Variants in CYP24A1 observed in about 807,000 individuals in gnomAD.
The protein encoded by CYP24A1 is cytochrome P450 family 24 subfamily A member 1, also known as 1,25-dihydroxyvitamin D(3) 24-hydroxylase, mitochondrial.
A neutral mutation model predicts 62.4 loss-of-function variants in CYP24A1; 68 were observed. That is an observed-to-expected ratio of 1.09 (90% CI 0.90 to 1.33). The LOEUF (loss-of-function observed/expected upper bound fraction) is 1.33, where lower values mean the gene tolerates loss of function less well. Ranked by LOEUF, CYP24A1 falls within the 40% of genes most tolerant of loss-of-function variation. CYP24A1 has a pLI of 0.00. For synonymous variants in CYP24A1, 267 were observed against 253.0 expected (o/e 1.06, Z -0.52); for missense variants, 787 against 653.0 (o/e 1.21, Z -2.24).
At chr20:54,144,957 T>C in the CYP24A1 span, among the ~76,000 whole-genome samples, 3 of 152,184 alleles carry the variant, frequency 2.0e-5, no homozygotes, top group Non-Finnish European at 4.4e-5. Flanking sequence ...TGCCAAAATA[T>C]GAATAACTGC....
chr20:54,166,318 T>C (rs550794988), intron 4 of CYP24A1, among the ~76,000 whole-genome samples: 2 of 152,130 alleles, frequency 1.3e-5, no homozygotes, highest in Non-Finnish European at 2.9e-5. Context: ...GGGTTTTTTT[T>C]CCTTCCATTT....
intron 3 of CYP24A1, among the ~76,000 whole-genome samples, chr20:54,170,755 G>C (rs1409553856): frequency 6.6e-6 from 1 of 152,102 alleles, no homozygotes; most frequent in African/African-American, 2.4e-5. Context: ...TACTGGGTCT[G>C]CCTTATTATT....
intron 2 of CYP24A1, chr20:54,172,693 G>A (rs986956913): frequency 2.7e-6 from 3 of 1,097,460 alleles, no homozygotes; most frequent in African/African-American, 3.2e-5. Flanking sequence ...CAGAGAGAAC[G>A]CAGGTGCTGG....
intron 6 of CYP24A1, among the ~76,000 whole-genome samples, chr20:54,164,220 G>A (rs1427331708): frequency 1.3e-5 from 2 of 152,218 alleles, no homozygotes; most frequent in African/African-American, 4.8e-5. Flanking sequence ...ACAGGGGTGA[G>A]CCACTGCACC....
At chr20:54,155,921 G>A (rs1003206184) in intron 11 of CYP24A1, among the ~76,000 whole-genome samples, 1 of 151,948 alleles carries the variant, frequency 6.6e-6, no homozygotes, top group African/African-American at 2.4e-5. Flanking sequence ...GTTATTTAAA[G>A]GAAATAACTC....
intron 5 of CYP24A1, among the ~76,000 whole-genome samples, 173 bp downstream of exon 5, chr20:54,165,569 C>T (rs112644865): frequency 4.6e-5 from 7 of 152,062 alleles, no homozygotes; most frequent in South Asian, 2.1e-4. Flanking sequence ...TGGAGACAGC[C>T]GCATATATGC....
intron 2 of CYP24A1, 192 bp from the exon 3 acceptor site, chr20:54,171,862 A>C: frequency 7.4e-7 from 1 of 1,357,042 alleles, no homozygotes. Context: ...ATAGTTTGAC[A>C]ATAGGATGAA....
intron 2 of CYP24A1, 119 bp from the exon 3 acceptor site, chr20:54,171,789 A>C: frequency 6.3e-7 from 1 of 1,581,342 alleles, no homozygotes; most frequent in Non-Finnish European, 8.6e-7. Flanking sequence ...AATCATGCCA[A>C]GAAATAGCCA....
At chr20:54,172,730 C>A (rs1387565378) in intron 2 of CYP24A1, 179 bp downstream of exon 2, 2 of 1,401,562 alleles carry the variant, frequency 1.4e-6, no homozygotes, top group Admixed American at 2.5e-5. Flanking sequence ...TTCCGTGGAC[C>A]GACTCTAATC....
At chr20:54,148,721 C>G (rs1349655090), downstream of CYP24A1, among the ~76,000 whole-genome samples, 1 of 152,146 alleles carries the variant, frequency 6.6e-6, no homozygotes, top group Admixed American at 6.5e-5. Context: ...CTGGGGCAAT[C>G]TGAATATCAA....
rs2092658197 is a variant in CYP24A1 at position 54,162,861 on chromosome 20, GACTATT to G, written c.845-5_845del. 4 of 1,560,338 alleles carry G rather than the reference GACTATT, an allele frequency of 2.6e-6. No homozygotes were observed. In the African/African-American group the frequency reaches 5.4e-5, roughly 21 times the overall value. On this transcript the variant is annotated splice_acceptor_variant and splice_polypyrimidine_tract_variant and coding_sequence_variant and intron_variant, in exon 7 of 12. Transcript: ENST00000216862. LOFTEE classifies it high-confidence loss of function. ...CTAACCGGTTGTCGATACAAGCTTT[GACTATT>G]AGAGCAGAGAAGAAAGAGAGGAAGT...
chr20:54,157,365 G>T, intron 10 of CYP24A1, 23 bp downstream of exon 10: 3 of 1,529,960 alleles, frequency 2.0e-6, no homozygotes, highest in Non-Finnish European at 2.7e-6. Flanking sequence ...GAACATAATT[G>T]CAGAAACCGG....
intron 7 of CYP24A1, 175 bp downstream of exon 7, chr20:54,162,542 G>GGGT: frequency 1.6e-6 from 1 of 630,040 alleles, no homozygotes; most frequent in Non-Finnish European, 2.9e-6. Context: ...AGGCACCGTG[G>GGGT]CATAGATGCT....
intron 3 of CYP24A1, among the ~76,000 whole-genome samples, chr20:54,171,106 CT>C (rs1366442149): frequency 6.6e-6 from 1 of 152,216 alleles, no homozygotes; most frequent in East Asian, 1.9e-4. Context: ...CCTTCCCCCA[CT>C]TTCTCTGCTT....
rs1480341995 is a variant in CYP24A1, at chr20:54,173,128, C to T, written c.259-29G>A. 8 of 1,598,990 alleles carry T rather than the reference C, an allele frequency of 5.0e-6. No individual in the cohort carries two copies. Among genetic ancestry groups the T allele is most frequent in the South Asian group, 3.3e-5 (3 of 90,976 alleles). ...CAGCCGGCCGGGCACAGCGCGGTGT[C>T]AGCGCGCATCCTCCGCCGTGCCCGA... On this transcript the variant is annotated intron_variant, in intron 1 of 11. Coordinates refer to ENST00000216862, the MANE Select transcript of CYP24A1 (RefSeq NM_000782.5). The surrounding 1 kb of genome is among the most constrained non-coding windows in gnomAD (Gnocchi z 7.2).
chr20:54,156,237 C>G (rs532373375), intron 11 of CYP24A1, among the ~76,000 whole-genome samples: 3 of 152,000 alleles, frequency 2.0e-5, no homozygotes, highest in African/African-American at 7.3e-5. Flanking sequence ...CCCTGGAACA[C>G]GTGAATATAC....
chr20:54,143,922 A>C, the CYP24A1 span, among the ~76,000 whole-genome samples: 2 of 152,344 alleles, frequency 1.3e-5, no homozygotes, highest in Non-Finnish European at 1.5e-5. Context: ...ACTATGTGCC[A>C]ATAGGTTTAT....
downstream of CYP24A1, among the ~76,000 whole-genome samples, chr20:54,149,133 A>G (rs1252529367): frequency 6.6e-6 from 1 of 152,074 alleles, no homozygotes; most frequent in Non-Finnish European, 1.5e-5. Context: ...ATTTCCTTTT[A>G]CCTGGTTGTC....
At chr20:54,157,946 A>G (rs1343808756) in intron 9 of CYP24A1, 140 bp downstream of exon 9, 2 of 1,424,080 alleles carry the variant, frequency 1.4e-6, no homozygotes, top group East Asian at 2.5e-5. Flanking sequence ...TATACTATGC[A>G]ACATGTCAAC....
Sources: gnomAD v4.1 joint callset for allele counts (sites outside exome capture counted in the v4.1 genomes callset) on GRCh38, gnomAD v4.1.1 for gene constraint, Gnocchi (gnomAD v3.1) non-coding constraint, MANE v1.5 for transcripts, NCBI Gene and HGNC (gene_info 2026-07-23, HGNC 2026-07-21) for gene names.